Variants in ZAP70 observed in about 807,000 individuals in gnomAD.
ZAP70 encodes the protein zeta chain of T cell receptor associated protein kinase 70, also known as tyrosine-protein kinase ZAP-70.
In ZAP70, 27 loss-of-function variants were observed where a neutral mutation model predicts 65.8. The observed-to-expected ratio is 0.41, with a 90% confidence interval of 0.30 to 0.57. ZAP70 has a LOEUF of 0.57. ZAP70 is among the 20% of genes least tolerant of loss of function. The probability of loss-of-function intolerance (pLI) is 0.28; values close to 1 mark genes in which losing one functional copy is unlikely to be tolerated. For synonymous variants in ZAP70, 363 were observed against 360.8 expected (o/e 1.01, Z -0.07); for missense variants, 696 against 870.5 (o/e 0.80, Z 2.52).
Position 97,729,275 on chromosome 2 carries a change from G to C in ZAP70, c.564-3608G>C, listed in dbSNP as rs373091931. On this transcript the variant is annotated intron_variant, in intron 4 of 13. Transcript: ENST00000264972. The stretch of plus-strand genomic sequence containing the variant: ...ATACATAAGGAAACCGAGGCACAGC[G>C]AGGATAAGCAGTTTATTCAGGGTTT... Among the ~76,000 whole-genome samples the C allele has an allele frequency of 9.8e-5, 15 of 152,342 alleles. 1 individual carries two copies. Among genetic ancestry groups the C allele is most frequent in the African/African-American group, 3.6e-4 (15 of 41,576 alleles).
At chr2:97,744,319 T>G (rs978224828), downstream of ZAP70, among the ~76,000 whole-genome samples, 1 of 152,122 alleles carries the variant, frequency 6.6e-6, no homozygotes, top group Non-Finnish European at 1.5e-5. Context: ...AAAATTTTGT[T>G]CTGGTGGACG....
the ZAP70 span, among the ~76,000 whole-genome samples, chr2:97,747,648 TGA>T: frequency 1.3e-5 from 2 of 152,022 alleles, no homozygotes; most frequent in African/African-American, 2.4e-5. Flanking sequence ...TGTTCTGGAA[TGA>T]GAGAGTGGTG....
chr2:97,724,551 T>G, intron 3 of ZAP70, 113 bp downstream of exon 3: 1 of 1,532,754 alleles, frequency 6.5e-7, no homozygotes, highest in Non-Finnish European at 8.7e-7. Context: ...TTCAGTCCCC[T>G]TTGGAAGCTG....
intron 2 of ZAP70, among the ~76,000 whole-genome samples, chr2:97,720,553 T>C (rs1677118940): frequency 6.6e-6 from 1 of 152,228 alleles, no homozygotes; most frequent in African/African-American, 2.4e-5. Flanking sequence ...GGTTTCACCA[T>C]GTTGGCCAGG....
In ZAP70 at chr2:97,739,509, C is replaced by A. The variant is rs200035333; in HGVS notation, c.*11C>A. On this transcript the variant is annotated 3_prime_UTR_variant, in exon 14 of 14. Transcript: ENST00000264972. ...GCTGCCTGTGCCTGAGCTCCCGCTG[C>A]CCAGGGGAGCCCTCCACGCCGGCTC... 9.6e-5 allele frequency: 154 copies of A among 1,610,854 alleles called. No homozygotes were observed. In the Admixed American group the frequency reaches 9.7e-4, roughly 10 times the overall value.
At position 97,739,663 on chromosome 2, in the gene ZAP70, CCT is replaced by C. The variant is rs1375695698; in HGVS notation, c.*166_*167del. On this transcript the variant is annotated 3_prime_UTR_variant, in exon 14 of 14. Transcript: ENST00000264972. ...CGGCCTTGCATTGCCTGCCTGGCCC[CCT>C]GTCCTCTCTGGCTGGGGAGCAGGGA... 4 of 1,118,502 alleles carry C rather than the reference CCT, an allele frequency of 3.6e-6. No homozygotes were observed. The highest frequency in any genetic ancestry group is 3.1e-5 in the African/African-American group (2 of 64,918). The allele number at this position is 1,118,502 out of a possible 1,614,324, so 69.3% of individuals were successfully genotyped here.
At chr2:97,732,738 G>GT (rs1677660245) in intron 4 of ZAP70, 145 bp from the exon 5 acceptor site, 2 of 1,189,162 alleles carry the variant, frequency 1.7e-6, no homozygotes, top group Non-Finnish European at 2.4e-6. Context: ...GGTGATGGGG[G>GT]CCTGGCCTGG....
rs763397392 is a variant in ZAP70, at chr2:97,735,292, G to A, written c.1125G>A (p.Thr375=). Residue 375 remains threonine (T), a synonymous_variant, in exon 10 of 14, where the codon ACG becomes ACA. Coordinates refer to ENST00000264972, the MANE Select transcript of ZAP70 (RefSeq NM_001079.4). The stretch of plus-strand genomic sequence containing the variant: ...CCATCAAGGTGCTGAAGCAGGGCAC[G>A]GAGAAGGCAGACACGGAAGAGATGA... The part of the protein sequence containing the change: ...DVAIKVLKQG[T]EKADTEEMMR... The A allele has an allele frequency of 1.9e-6, 3 of 1,614,112 alleles. No homozygotes were observed. The highest frequency in any genetic ancestry group is 1.1e-5 in the South Asian group (1 of 91,090).
intron 2 of ZAP70, among the ~76,000 whole-genome samples, chr2:97,718,333 C>T (rs551492243): frequency 7.2e-4 from 110 of 152,306 alleles, no homozygotes; most frequent in African/African-American, 2.5e-3. Context: ...TCCGGCTAGC[C>T]GCTGCGTGGC....
At chr2:97,734,307 CTCATGTGGCT>C in intron 8 of ZAP70, 1 of 1,376,846 alleles carries the variant, frequency 7.3e-7, no homozygotes, top group Admixed American at 2.9e-5. Flanking sequence ...AGAGTCCACC[CTCATGTGGCT>C]TCATGGGGCA....
Position 97,734,518 on chromosome 2 carries a change from A to AG in ZAP70, c.890-1dup, listed in dbSNP as rs765996782. 1 of 1,613,506 alleles carries AG rather than the reference A, an allele frequency of 6.2e-7. No homozygotes were observed. Among genetic ancestry groups the AG allele is most frequent in the Non-Finnish European group, 8.5e-7 (1 of 1,179,840 alleles). On this transcript the variant is annotated splice_acceptor_variant, in intron 8 of 13. Coordinates refer to ENST00000264972, the MANE Select transcript of ZAP70 (RefSeq NM_001079.4). LOFTEE classifies it high-confidence loss of function. ...TGGGAGTGTACCGCTGTGTGTGCCC[A>AG]GCACGCATAACGTCCCCAGACAAAC...
chr2:97,756,196 G>C, the ZAP70 span: 1 of 152,186 alleles, frequency 6.6e-6, no homozygotes, highest in African/African-American at 2.4e-5. Context: ...TTAGACTGCA[G>C]GAAGTTCCAG....
At chr2:97,752,255 G>A in the ZAP70 span, among the ~76,000 whole-genome samples, 1 of 152,292 alleles carries the variant, frequency 6.6e-6, no homozygotes, top group South Asian at 2.1e-4. Flanking sequence ...GTTTTATCAG[G>A]ATTTCATTCA....
the ZAP70 span, among the ~76,000 whole-genome samples, chr2:97,750,712 G>T: frequency 6.6e-6 from 1 of 152,226 alleles, no homozygotes; most frequent in African/African-American, 2.4e-5. Context: ...TTTTCTAATA[G>T]TCACAAACTG....
rs201097437 is a variant in ZAP70 at position 97,739,529 on chromosome 2, C to T, written c.*31C>T. On this transcript the variant is annotated 3_prime_UTR_variant, in exon 14 of 14. Transcript: ENST00000264972. ...CGCTGCCCAGGGGAGCCCTCCACGC[C>T]GGCTCTTCCCCACCCTCAGCCCCAC... 1.1e-4 allele frequency: 170 copies of T among 1,603,968 alleles called. No homozygotes were observed. Among genetic ancestry groups the T allele is most frequent in the African/African-American group, 1.7e-4 (13 of 74,722 alleles).
intron 8 of ZAP70, 41 bp from the exon 9 acceptor site, chr2:97,734,479 C>T: frequency 1.9e-6 from 3 of 1,590,212 alleles, no homozygotes; most frequent in Non-Finnish European, 2.6e-6. Flanking sequence ...CTCCCCACAC[C>T]CCTGCCCCTG....
chr2:97,739,245 C>T, intron 13 of ZAP70, 130 bp from the exon 14 acceptor site: 3 of 1,436,028 alleles, frequency 2.1e-6, no homozygotes, highest in Non-Finnish European at 2.8e-6. Flanking sequence ...TGTCCCGCCA[C>T]CCCAACAGCC....
chr2:97,732,681 C>A, intron 4 of ZAP70: 1 of 696,894 alleles, frequency 1.4e-6, no homozygotes, highest in Non-Finnish European at 2.4e-6. Flanking sequence ...ACAGCCATGG[C>A]CCCTCCACCG....
At chr2:97,714,680 G>A (rs748643025) in intron 2 of ZAP70, among the ~76,000 whole-genome samples, 5 of 152,192 alleles carry the variant, frequency 3.3e-5, no homozygotes, top group Non-Finnish European at 7.3e-5. Context: ...TGAGCAGCTC[G>A]AGATGATTCA....
Sources: allele counts gnomAD v4.1 joint callset (sites outside exome capture counted in the v4.1 genomes callset), GRCh38; gene constraint gnomAD v4.1.1; transcripts MANE v1.5; gene names NCBI Gene and HGNC (gene_info 2026-07-23, HGNC 2026-07-21).